The following KAT2B variants were observed in gnomAD, a reference collection of about 807,000 sequenced individuals.
The protein encoded by KAT2B is lysine acetyltransferase 2B, also known as histone acetyltransferase KAT2B.
KAT2B carries 36 observed loss-of-function variants against 105.9 expected under a neutral mutation model. That is an observed-to-expected ratio of 0.34 (90% confidence interval 0.26 to 0.45). The LOEUF (loss-of-function observed/expected upper bound fraction) is 0.45, where lower values mean the gene tolerates loss of function less well. Ranked by LOEUF, KAT2B falls within the 20% of genes least tolerant of loss-of-function variation. KAT2B has a pLI of 1.00. For missense variants in KAT2B, 820 were observed against 1,021.6 expected (o/e 0.80, Z 2.69); for synonymous variants, 397 against 377.9 (o/e 1.05, Z -0.59).
At chr3:20,087,690 A>AT (rs1205183363) in intron 2 of KAT2B, among the ~76,000 whole-genome samples, 2 of 152,244 alleles carry the variant, frequency 1.3e-5, no homozygotes, top group Admixed American at 6.5e-5. Flanking sequence ...AATAACCATC[A>AT]TTTTACTTTC....
At chr3:20,133,101 C>T (rs1017555358) in intron 11 of KAT2B, among the ~76,000 whole-genome samples, 1 of 152,008 alleles carries the variant, frequency 6.6e-6, no homozygotes, top group African/African-American at 2.4e-5. Flanking sequence ...AACAAAAATC[C>T]CATTTCCCCT....
intron 11 of KAT2B, among the ~76,000 whole-genome samples, chr3:20,130,273 C>T (rs1372756097): frequency 1.3e-5 from 2 of 152,182 alleles, no homozygotes; most frequent in Non-Finnish European, 2.9e-5. Context: ...ATCATTCTGA[C>T]TGGGGAAGGT....
intron 7 of KAT2B, among the ~76,000 whole-genome samples, chr3:20,118,296 T>TTATA (rs1699242134): frequency 6.9e-6 from 1 of 145,740 alleles, no homozygotes; most frequent in Non-Finnish European, 1.5e-5. Flanking sequence ...AAATAATTAT[T>TTATA]TATATATAGG....
At chr3:20,114,350 T>C (rs1213821834) in intron 6 of KAT2B, among the ~76,000 whole-genome samples, 2 of 152,214 alleles carry the variant, frequency 1.3e-5, no homozygotes, top group South Asian at 2.1e-4. Flanking sequence ...AGGGTCGTTA[T>C]AAAGATCAAG....
At chr3:20,133,080 T>C (rs1010552322) in intron 11 of KAT2B, among the ~76,000 whole-genome samples, 3 of 152,182 alleles carry the variant, frequency 2.0e-5, no homozygotes, top group African/African-American at 7.2e-5. Context: ...TACAAATGCG[T>C]TTTCAGATAA....
intron 1 of KAT2B, among the ~76,000 whole-genome samples, chr3:20,047,033 T>C (rs1316083854): frequency 6.6e-6 from 1 of 152,056 alleles, no homozygotes; most frequent in Non-Finnish European, 1.5e-5. Flanking sequence ...ACAAATACCT[T>C]TGCAGCACAG....
chr3:20,040,827 G>C (rs753509787), intron 1 of KAT2B, 47 bp downstream of exon 1: 2 of 1,527,560 alleles, frequency 1.3e-6, no homozygotes, highest in African/African-American at 2.8e-5. Flanking sequence ...TAGGGGCCCA[G>C]CCCGCGGGAC....
intron 1 of KAT2B, among the ~76,000 whole-genome samples, chr3:20,058,328 G>C (rs1442777684): frequency 6.6e-6 from 1 of 151,672 alleles, no homozygotes; most frequent in East Asian, 1.9e-4. Flanking sequence ...TGTGTTGGTG[G>C]GCAATAATCT....
chr3:20,101,376 C>T lies in KAT2B; in HGVS notation c.759C>T (p.Asn253=), dbSNP rs1698906872. The T allele has an allele frequency of 2.5e-6, 4 of 1,613,920 alleles. No homozygotes were observed. Among genetic ancestry groups the T allele is most frequent in the African/African-American group, 2.7e-5 (2 of 74,920 alleles). Residue 253 remains asparagine (N), a synonymous_variant, in exon 5 of 18, where the codon AAC becomes AAT. Coordinates refer to ENST00000263754, the MANE Select transcript of KAT2B (RefSeq NM_003884.5). The part of the protein sequence containing the change: ...TIVELAKMFL[N]RINYWHLEAP... ...TTGAGTTGGCAAAAATGTTCCTAAACCGCATCAACTATTGGCATCTGGAGG... is the reference window on the plus strand; with the variant it reads ...TTGAGTTGGCAAAAATGTTCCTAAATCGCATCAACTATTGGCATCTGGAGG...
At chr3:20,070,977 C>T (rs1263176604) in intron 1 of KAT2B, among the ~76,000 whole-genome samples, 26 of 150,036 alleles carry the variant, frequency 1.7e-4, no homozygotes, top group Non-Finnish European at 2.7e-4. Context: ...CCACTGCACT[C>T]CAGCCTGGGC....
chr3:20,103,999 CTCA>C (rs79263632), intron 5 of KAT2B, among the ~76,000 whole-genome samples: 25,122 of 152,080 alleles, frequency 0.17, 2,266 homozygotes, highest in Middle Eastern at 0.23. Context: ...TGGGAAGATG[CTCA>C]TCATCATTTT....
At chr3:20,099,147 T>C (rs1478311427) in intron 3 of KAT2B, among the ~76,000 whole-genome samples, 2 of 152,228 alleles carry the variant, frequency 1.3e-5, no homozygotes, top group African/African-American at 4.8e-5. Flanking sequence ...TTCTGTTTGC[T>C]CTTTGAGAGC....
intron 1 of KAT2B, among the ~76,000 whole-genome samples, chr3:20,067,850 T>C (rs1270343569): frequency 6.6e-6 from 1 of 151,674 alleles, no homozygotes; most frequent in East Asian, 1.9e-4. Flanking sequence ...AATTTTTGTA[T>C]TTTTAATAGA....
intron 1 of KAT2B, among the ~76,000 whole-genome samples, chr3:20,064,292 C>T (rs979356966): frequency 3.7e-4 from 56 of 152,220 alleles, no homozygotes; most frequent in African/African-American, 1.2e-3. Context: ...GTGTAATGGC[C>T]AAATCAGTGT....
chr3:20,055,358 A>G (rs1697987606), intron 1 of KAT2B, among the ~76,000 whole-genome samples: 1 of 152,222 alleles, frequency 6.6e-6, no homozygotes, highest in Admixed American at 6.5e-5. Context: ...TTATTCTTGC[A>G]GAGCTTGCTT....
chr3:20,069,896 C>T (rs1385530247), intron 1 of KAT2B, among the ~76,000 whole-genome samples: 1 of 152,162 alleles, frequency 6.6e-6, no homozygotes, highest in Admixed American at 6.6e-5. Context: ...TTGCCATATT[C>T]TCCTATTCAC....
chr3:20,137,225 A>G (rs571893758), intron 12 of KAT2B, among the ~76,000 whole-genome samples, 173 bp downstream of exon 12: 14 of 152,238 alleles, frequency 9.2e-5, no homozygotes, highest in Non-Finnish European at 2.1e-4. Context: ...GAGTGTCACT[A>G]GCACATAGTA....
intron 5 of KAT2B, among the ~76,000 whole-genome samples, chr3:20,111,214 G>C (rs1384022578): frequency 6.6e-6 from 1 of 152,068 alleles, no homozygotes; most frequent in Non-Finnish European, 1.5e-5. Flanking sequence ...ATGCTCACAA[G>C]AACCCAATGA....
intron 3 of KAT2B, 103 bp from the exon 4 acceptor site, chr3:20,099,759 A>AAGAG (rs149949115): frequency 4.4e-5 from 25 of 563,088 alleles, no homozygotes; most frequent in Admixed American, 1.2e-4. Context: ...GTGTGTGTGT[A>AAGAG]AGAGAGAGAG....
Sources: allele counts gnomAD v4.1 joint callset (sites outside exome capture counted in the v4.1 genomes callset), GRCh38; gene constraint gnomAD v4.1.1; transcripts MANE v1.5; gene names NCBI Gene and HGNC (gene_info 2026-07-23, HGNC 2026-07-21).